The following CUBN variants were observed in gnomAD, a reference collection of about 807,000 sequenced individuals.
CUBN encodes the protein 460 kDa receptor.
CUBN carries 282 observed loss-of-function variants against 405.3 expected under a neutral mutation model. The ratio of observed to expected loss-of-function variants is 0.70; its 90% CI spans 0.63 to 0.77. The LOEUF is 0.77. Ranked by LOEUF, CUBN falls within the 30% of genes least tolerant of loss-of-function variation. The pLI, the probability that CUBN is intolerant of heterozygous loss-of-function variation, is 0.00. For synonymous variants in CUBN, 1,684 were observed against 1,617.0 expected (o/e 1.04, Z -0.99); for missense variants, 4,514 against 4,475.2 (o/e 1.01, Z -0.25).
intron 59 of CUBN, among the ~76,000 whole-genome samples, chr10:16,861,484 C>A (rs1342217558): frequency 6.6e-6 from 1 of 152,040 alleles, no homozygotes; most frequent in Admixed American, 6.6e-5. Flanking sequence ...CTTATCCTTC[C>A]AAAATAATAC....
chr10:17,110,161 G>T (rs1292529548), intron 9 of CUBN, among the ~76,000 whole-genome samples: 1 of 152,108 alleles, frequency 6.6e-6, no homozygotes, highest in East Asian at 1.9e-4. Context: ...GTAGTAATTC[G>T]ATTTAGATTA....
At chr10:17,092,486 G>C (rs1025229707) in intron 14 of CUBN, among the ~76,000 whole-genome samples, 2 of 152,084 alleles carry the variant, frequency 1.3e-5, no homozygotes, top group African/African-American at 2.4e-5. Flanking sequence ...TAGGAGGTCG[G>C]CACAAGATAC....
intron 43 of CUBN, 49 bp downstream of exon 43, chr10:16,925,192 T>A: frequency 1.3e-6 from 2 of 1,494,884 alleles, no homozygotes; most frequent in Non-Finnish European, 1.9e-6. Flanking sequence ...TCAAAGAAGA[T>A]CAAGCAATTG....
At chr10:16,853,272 A>T (rs370847638) in intron 59 of CUBN, among the ~76,000 whole-genome samples, 208 of 152,334 alleles carry the variant, frequency 1.4e-3, no homozygotes, top group South Asian at 3.1e-3. Flanking sequence ...GCTGAAATTA[A>T]TGTCTATAAA....
chr10:17,071,210 C>T (rs539534884), intron 19 of CUBN, among the ~76,000 whole-genome samples: 127 of 152,098 alleles, frequency 8.3e-4, no homozygotes, highest in African/African-American at 2.9e-3. Context: ...CTAGAATTCT[C>T]GGGACAAATC....
intron 48 of CUBN, among the ~76,000 whole-genome samples, 169 bp from the exon 49 acceptor site, chr10:16,907,848 C>T (rs1321701090): frequency 1.3e-5 from 2 of 152,166 alleles, no homozygotes; most frequent in South Asian, 2.1e-4. Context: ...ACTGTTACCC[C>T]GAGCACATTT....
intron 27 of CUBN, among the ~76,000 whole-genome samples, chr10:17,027,244 T>G (rs1834692840): frequency 6.6e-6 from 1 of 152,238 alleles, no homozygotes; most frequent in African/African-American, 2.4e-5. Context: ...CTGTTTCTAA[T>G]GGTGAAGATT....
chr10:17,076,995 T>C (rs1835868179), intron 17 of CUBN, among the ~76,000 whole-genome samples: 1 of 152,212 alleles, frequency 6.6e-6, no homozygotes, highest in African/African-American at 2.4e-5. Flanking sequence ...AGATGACCAA[T>C]ATCTGAGTCT....
chr10:16,964,215 T>C (rs1843323056), intron 31 of CUBN, among the ~76,000 whole-genome samples: 1 of 152,060 alleles, frequency 6.6e-6, no homozygotes, highest in Non-Finnish European at 1.5e-5. Flanking sequence ...ATAAAGGAAA[T>C]AATAGGAAAT....
intron 29 of CUBN, among the ~76,000 whole-genome samples, chr10:16,986,544 G>A (rs1394084974): frequency 3.3e-5 from 5 of 152,156 alleles, no homozygotes; most frequent in Non-Finnish European, 7.3e-5. Flanking sequence ...GACAGTAATT[G>A]CAAAGGAATG....
intron 59 of CUBN, among the ~76,000 whole-genome samples, chr10:16,852,010 C>A (rs1839714187): frequency 8.4e-6 from 1 of 119,522 alleles, no homozygotes; most frequent in Non-Finnish European, 1.7e-5. Flanking sequence ...CTATCTTTGC[C>A]TCCCTCACTC....
chr10:17,100,069 A>G lies in CUBN; in HGVS notation c.1701T>C (p.His567=). The G allele has an allele frequency of 6.2e-7, 1 of 1,613,954 alleles. No homozygotes were observed. The highest frequency in any genetic ancestry group is 8.5e-7 in the Non-Finnish European group (1 of 1,179,944). Residue 567 remains histidine (H), a synonymous_variant, in exon 14 of 67, where the codon CAT becomes CAC. Coordinates refer to ENST00000377833, the MANE Select transcript of CUBN (RefSeq NM_001081.4). ...LLSSDNALYF[H]LYSEHLRNGR... The stretch of plus-strand genomic sequence containing the variant: ...CATTTCTTAAATGTTCAGAATAGAG[A>G]TGAAAATAGAGAGCATTGTCACTGC...
At chr10:16,834,946 G>A (rs1048432731) in intron 64 of CUBN, 68 bp downstream of exon 64, 9 of 1,385,066 alleles carry the variant, frequency 6.5e-6, no homozygotes, top group African/African-American at 1.4e-5. Context: ...TAGATAAAAG[G>A]TGTAAAATCT....
chr10:16,913,841 C>G lies in CUBN; in HGVS notation c.7503G>C (p.Thr2501=), dbSNP rs762622790. 8 of 1,613,890 alleles carry G rather than the reference C, an allele frequency of 5.0e-6. No homozygotes were observed. The East Asian group carries it at 8.9e-5, about 18-fold the overall frequency. ...CATGCTCATTGTTGCAGGACGGATG[C>G]GTGGCCAGCCTCAGGTTGTTAAACA... The part of the protein sequence containing the change: ...TLMFNNLRLA[T]HPSCNNEHVI... Residue 2501 remains threonine (T), a synonymous_variant, in exon 48 of 67, where the codon ACG becomes ACC. Coordinates refer to ENST00000377833, the MANE Select transcript of CUBN (RefSeq NM_001081.4).
intron 13 of CUBN, among the ~76,000 whole-genome samples, chr10:17,101,546 T>C (rs576623191): frequency 6.6e-6 from 1 of 152,258 alleles, no homozygotes; most frequent in East Asian, 1.9e-4. Flanking sequence ...TCTGTAATAG[T>C]TTGCTGGAAA....
chr10:16,923,543 G>A (rs558891125), intron 43 of CUBN, among the ~76,000 whole-genome samples: 2 of 152,252 alleles, frequency 1.3e-5, no homozygotes, highest in South Asian at 4.1e-4. Context: ...CAGTGATGCT[G>A]TTGTTTCAGG....
At chr10:17,041,250 C>CTAT (rs2131815097) in intron 26 of CUBN, 30 bp from the exon 27 acceptor site, 8 of 1,556,544 alleles carry the variant, frequency 5.1e-6, no homozygotes, top group Non-Finnish European at 7.1e-6. Context: ...TTAAGAACCA[C>CTAT]TATTATATAC....
chr10:16,974,933 A>G (rs1833047870), intron 31 of CUBN, among the ~76,000 whole-genome samples: 1 of 152,242 alleles, frequency 6.6e-6, no homozygotes, highest in Non-Finnish European at 1.5e-5. Flanking sequence ...GAAAGAATAC[A>G]GTATGTAATA....
intron 39 of CUBN, among the ~76,000 whole-genome samples, chr10:16,937,257 T>TTG (rs200007965): frequency 5.9e-5 from 9 of 151,718 alleles, no homozygotes; most frequent in African/African-American, 1.9e-4. Flanking sequence ...AACTAACTGA[T>TTG]TGTGTGTGTG....
Sources: gnomAD v4.1 joint callset for allele counts (sites outside exome capture counted in the v4.1 genomes callset) on GRCh38, gnomAD v4.1.1 for gene constraint, MANE v1.5 for transcripts, NCBI Gene and HGNC (gene_info 2026-07-23, HGNC 2026-07-21) for gene names.